Variants in GABRA2 observed in about 807,000 individuals in gnomAD.
GABRA2 encodes gamma-aminobutyric acid receptor subunit alpha-2.
GABRA2 carries 16 observed loss-of-function variants against 48.7 expected under a neutral mutation model. The ratio of observed to expected loss-of-function variants is 0.33; its 90% confidence interval spans 0.22 to 0.50. The LOEUF (loss-of-function observed/expected upper bound fraction) is 0.50. GABRA2 is among the 20% of genes least tolerant of loss of function. GABRA2 has a pLI of 0.98. For missense variants in GABRA2, 275 were observed against 535.6 expected (o/e 0.51, Z 4.80); for synonymous variants, 185 against 184.5 (o/e 1.00, Z -0.02).
chr4:46,251,304 A>G (rs1030971), intron 9 of GABRA2, among the ~76,000 whole-genome samples: 1,664 of 151,642 alleles, frequency 0.011, 35 homozygotes, highest in African/African-American at 0.039. Flanking sequence ...TTATGGCCAC[A>G]GGGATCTTTT....
At chr4:46,256,939 T>C (rs954266729) in intron 9 of GABRA2, among the ~76,000 whole-genome samples, 1 of 151,704 alleles carries the variant, frequency 6.6e-6, no homozygotes, top group Non-Finnish European at 1.5e-5. Context: ...TAGTGTTTTC[T>C]ATAATTTCCT....
At chr4:46,255,206 G>T (rs574367411) in intron 9 of GABRA2, among the ~76,000 whole-genome samples, 26 of 151,542 alleles carry the variant, frequency 1.7e-4, no homozygotes, top group Non-Finnish European at 1.6e-4. Context: ...GCTCAGAAAC[G>T]TTTGCTTAAT....
intron 9 of GABRA2, among the ~76,000 whole-genome samples, chr4:46,252,946 A>G (rs1715079004): frequency 1.3e-5 from 2 of 151,392 alleles, no homozygotes; most frequent in South Asian, 4.1e-4. Context: ...ATTGAGAAAC[A>G]TATATTCTCC....
chr4:46,372,968 C>T (rs1013859410), intron 3 of GABRA2, among the ~76,000 whole-genome samples: 8 of 152,134 alleles, frequency 5.3e-5, no homozygotes, highest in African/African-American at 1.7e-4. Flanking sequence ...GCCCAATTTC[C>T]TTGTGTTGAT....
At chr4:46,326,767 A>G (rs1730459341) in intron 4 of GABRA2, among the ~76,000 whole-genome samples, 1 of 151,882 alleles carries the variant, frequency 6.6e-6, no homozygotes, top group East Asian at 1.9e-4. Flanking sequence ...AGGCTTCTCT[A>G]TTGGGCTCCA....
At chr4:46,330,005 A>C (rs760813450) in intron 4 of GABRA2, among the ~76,000 whole-genome samples, 5 of 152,102 alleles carry the variant, frequency 3.3e-5, no homozygotes, top group African/African-American at 4.8e-5. Flanking sequence ...TATGCATTTC[A>C]TTTTTGAGAA....
intron 3 of GABRA2, among the ~76,000 whole-genome samples, chr4:46,350,364 T>C (rs1734914206): frequency 6.6e-6 from 1 of 151,882 alleles, no homozygotes; most frequent in East Asian, 1.9e-4. Flanking sequence ...AAACTTACAG[T>C]CCAGTTAAGA....
chr4:46,388,583 A>G, intron 2 of GABRA2, 53 bp downstream of exon 2: 1 of 1,601,478 alleles, frequency 6.2e-7, no homozygotes, highest in South Asian at 1.1e-5. Context: ...ATGGCCTACA[A>G]GAAACACATC....
Position 46,247,419 on chromosome 4 carries a change from A to G in GABRA2, c.*2889T>C, listed in dbSNP as rs1163560432. On this transcript the variant is annotated 3_prime_UTR_variant, in exon 10 of 10. Transcript: ENST00000381620. The stretch of plus-strand genomic sequence containing the variant: ...AGAATGAGATGCACTTAAAATTTCA[A>G]CTAAATTCAGTGGGTGTGACATGAG... 1.3e-5 allele frequency among the ~76,000 whole-genome samples: 2 copies of G among 151,176 alleles called. No individual in the cohort carries two copies. Among genetic ancestry groups the G allele is most frequent in the African/African-American group, 2.4e-5 (1 of 41,326 alleles).
chr4:46,348,787 AG>A (rs1284732947), intron 3 of GABRA2, among the ~76,000 whole-genome samples: 2 of 43,552 alleles, frequency 4.6e-5, no homozygotes, highest in East Asian at 7.7e-4. Context: ...GGGTGGGGGG[AG>A]GGGGGAGGGA....
At chr4:46,331,544 T>G (rs2109807371) in intron 4 of GABRA2, among the ~76,000 whole-genome samples, 1 of 152,246 alleles carries the variant, frequency 6.6e-6, no homozygotes, top group South Asian at 2.1e-4. Flanking sequence ...TCCCCCTGAG[T>G]TATCAGAGAA....
At chr4:46,256,483 G>T in intron 9 of GABRA2, 1 of 404,278 alleles carries the variant, frequency 2.5e-6, no homozygotes, top group Non-Finnish European at 4.4e-6. Flanking sequence ...TAAAACATTT[G>T]TTTTTTCAAA....
chr4:46,321,704 G>A (rs1040853577), intron 4 of GABRA2, among the ~76,000 whole-genome samples: 2 of 151,990 alleles, frequency 1.3e-5, no homozygotes, highest in Non-Finnish European at 2.9e-5. Flanking sequence ...TTGTAAGGAT[G>A]AAGTGAGATA....
intron 2 of GABRA2, among the ~76,000 whole-genome samples, 194 bp from the exon 3 acceptor site, chr4:46,386,383 A>G (rs1268135009): frequency 6.6e-6 from 1 of 152,168 alleles, no homozygotes; most frequent in Non-Finnish European, 1.5e-5. Context: ...AATAGATTCT[A>G]AATAGTAGAT....
Position 46,245,529 on chromosome 4 carries a change from TAA to T in GABRA2, c.*4777_*4778del, listed in dbSNP as rs1430180627. On this transcript the variant is annotated 3_prime_UTR_variant, in exon 10 of 10. Transcript: ENST00000381620. ...ATAACTCAAACCTAATTCTAATTAA[TAA>T]GTTTGTTATGGATTTACTGAAAAAT... is the stretch of plus-strand genomic sequence containing the variant. Among the ~76,000 whole-genome samples the T allele has an allele frequency of 6.6e-6, 1 of 151,372 alleles. No individual in the cohort carries two copies. Among genetic ancestry groups the T allele is most frequent in the Non-Finnish European group, 1.5e-5 (1 of 67,522 alleles).
chr4:46,304,834 G>A (rs904777114), intron 7 of GABRA2, among the ~76,000 whole-genome samples: 1 of 147,550 alleles, frequency 6.8e-6, no homozygotes, highest in Non-Finnish European at 1.5e-5. Flanking sequence ...GCTGAGGCAG[G>A]AGATCACTTG....
chr4:46,378,901 C>A (rs556390954), intron 3 of GABRA2, among the ~76,000 whole-genome samples: 2 of 152,146 alleles, frequency 1.3e-5, no homozygotes, highest in African/African-American at 4.8e-5. Context: ...TTGCCTGACA[C>A]TTGCTGTATG....
chr4:46,319,127 T>A (rs1729025399), intron 4 of GABRA2, among the ~76,000 whole-genome samples: 1 of 151,780 alleles, frequency 6.6e-6, no homozygotes, highest in South Asian at 2.1e-4. Context: ...TCACTCTCTA[T>A]AAACTATTGC....
chr4:46,353,461 T>C (rs1735477248), intron 3 of GABRA2, among the ~76,000 whole-genome samples: 1 of 152,070 alleles, frequency 6.6e-6, no homozygotes, highest in African/African-American at 2.4e-5. Context: ...TGATTTCTCA[T>C]TTTACTCAGA....
Sources: allele counts gnomAD v4.1 joint callset (sites outside exome capture counted in the v4.1 genomes callset), GRCh38; gene constraint gnomAD v4.1.1; transcripts MANE v1.5; gene names NCBI Gene and HGNC (gene_info 2026-07-23, HGNC 2026-07-21).